KLHL32: variants seen among roughly 807,000 people sequenced by gnomAD.
KLHL32 encodes kelch like family member 32.
KLHL32 carries 35 observed loss-of-function variants against 64.8 expected under a neutral mutation model. The ratio of observed to expected loss-of-function variants is 0.54; its 90% CI spans 0.41 to 0.72. The LOEUF (loss-of-function observed/expected upper bound fraction) is 0.72. Among genes scored for constraint, KLHL32 ranks in the 30% least tolerant of loss-of-function variants. The pLI is 0.00. For missense variants in KLHL32, 589 were observed against 768.5 expected (o/e 0.77, Z 2.76); for synonymous variants, 259 against 281.0 (o/e 0.92, Z 0.78).
intron 3 of KLHL32, among the ~76,000 whole-genome samples, chr6:97,030,411 A>G (rs955480620): frequency 2.0e-5 from 3 of 152,234 alleles, no homozygotes; most frequent in Admixed American, 6.5e-5. Flanking sequence ...GGAATAACAC[A>G]CCATAAATCC....
rs567157518 is a variant in KLHL32 at position 96,941,510 on chromosome 6, G to A, written c.-66+16484G>A. Among the ~76,000 whole-genome samples the A allele has an allele frequency of 3.3e-5, 5 of 152,188 alleles. No homozygotes were observed. In the East Asian group the frequency reaches 9.7e-4, roughly 29 times the overall value. On this transcript the variant is annotated intron_variant, in intron 1 of 10. Transcript: ENST00000369261. ...AGTTTTCTGAGTGACTTACATTTTA[G>A]TCAAATGAAATGATAGCTCTGAGAA... is the stretch of plus-strand genomic sequence containing the variant.
intron 3 of KLHL32, among the ~76,000 whole-genome samples, chr6:96,984,004 C>T (rs573326295): frequency 2.0e-5 from 3 of 152,240 alleles, no homozygotes; most frequent in East Asian, 3.9e-4. Flanking sequence ...CCTGCTTTCT[C>T]TTGTGGGCAT....
chr6:96,952,467 C>T (rs1772741360), intron 1 of KLHL32, among the ~76,000 whole-genome samples: 1 of 152,174 alleles, frequency 6.6e-6, no homozygotes, highest in African/African-American at 2.4e-5. Context: ...TTGCTTCTAG[C>T]CTCACAGGCT....
chr6:96,932,205 A>ATT (rs71012578), intron 1 of KLHL32, among the ~76,000 whole-genome samples: 16,533 of 104,324 alleles, frequency 0.16, 1,216 homozygotes, highest in South Asian at 0.27. Flanking sequence ...TGACTGGGTT[A>ATT]TTTTTTTTTT....
chr6:96,982,561 T>G (rs1470892073), intron 3 of KLHL32, among the ~76,000 whole-genome samples: 1 of 152,160 alleles, frequency 6.6e-6, no homozygotes, highest in Non-Finnish European at 1.5e-5. Flanking sequence ...AGGTTAATAT[T>G]GACATGTGTG....
intron 3 of KLHL32, among the ~76,000 whole-genome samples, chr6:97,009,487 A>T (rs558068497): frequency 1.3e-5 from 2 of 152,282 alleles, no homozygotes; most frequent in East Asian, 3.9e-4. Flanking sequence ...TTTAATTTGC[A>T]ATAGAGCACT....
intron 6 of KLHL32, among the ~76,000 whole-genome samples, chr6:97,102,943 A>G (rs1795921070): frequency 6.6e-6 from 1 of 152,172 alleles, no homozygotes; most frequent in Non-Finnish European, 1.5e-5. Context: ...CCAGATATTA[A>G]GCCTAGTACT....
chr6:96,909,219 C>G, the KLHL32 span, among the ~76,000 whole-genome samples: 1 of 152,064 alleles, frequency 6.6e-6, no homozygotes, highest in Non-Finnish European at 1.5e-5. Context: ...TTCGGCATCC[C>G]TATCAGAACC....
intron 5 of KLHL32, among the ~76,000 whole-genome samples, chr6:97,078,059 C>T (rs953256770): frequency 1.3e-5 from 2 of 152,132 alleles, no homozygotes; most frequent in African/African-American, 4.8e-5. Flanking sequence ...CTACTTGCTA[C>T]TTGGTCCTTA....
chr6:97,056,956 A>C (rs1461907564), intron 4 of KLHL32, among the ~76,000 whole-genome samples: 1 of 152,170 alleles, frequency 6.6e-6, no homozygotes, highest in African/African-American at 2.4e-5. Context: ...CAAATATGTA[A>C]ATGAATAAGC....
chr6:97,134,107 G>GTGA (rs1224665954), intron 10 of KLHL32, among the ~76,000 whole-genome samples: 1 of 152,030 alleles, frequency 6.6e-6, no homozygotes, highest in Non-Finnish European at 1.5e-5. Flanking sequence ...TCCCAGAACT[G>GTGA]TGATAATAAA....
At chr6:97,031,470 G>A (rs914736325) in intron 3 of KLHL32, among the ~76,000 whole-genome samples, 4 of 151,810 alleles carry the variant, frequency 2.6e-5, no homozygotes, top group African/African-American at 9.7e-5. Context: ...TGAGTAGCTG[G>A]GACTGCAGGT....
intron 4 of KLHL32, among the ~76,000 whole-genome samples, chr6:97,060,592 T>C (rs1225552034): frequency 6.6e-6 from 1 of 152,156 alleles, no homozygotes; most frequent in Admixed American, 6.5e-5. Flanking sequence ...ATATTCTGCC[T>C]GGAGACCAGG....
intron 3 of KLHL32, among the ~76,000 whole-genome samples, chr6:97,003,178 A>G (rs954228280): frequency 2.6e-5 from 4 of 152,172 alleles, no homozygotes; most frequent in South Asian, 2.1e-4. Context: ...TGACTTTTTA[A>G]TAATAGCCAT....
At chr6:96,976,464 T>G (rs1775704560) in intron 3 of KLHL32, among the ~76,000 whole-genome samples, 1 of 152,138 alleles carries the variant, frequency 6.6e-6, no homozygotes. Context: ...GTGCTTCATG[T>G]GGGGGTGCAG....
intron 1 of KLHL32, among the ~76,000 whole-genome samples, chr6:96,958,321 G>A (rs1299117042): frequency 6.6e-6 from 1 of 152,152 alleles, no homozygotes; most frequent in Non-Finnish European, 1.5e-5. Context: ...GGATCATATA[G>A]GAGAGTAATT....
chr6:97,088,204 TG>T (rs1461075348), intron 6 of KLHL32, among the ~76,000 whole-genome samples: 2 of 152,202 alleles, frequency 1.3e-5, no homozygotes, highest in Admixed American at 6.5e-5. Context: ...TAAAATATAT[TG>T]TTTTTTTAAA....
At chr6:96,926,116 G>C (rs1769129106) in intron 1 of KLHL32, among the ~76,000 whole-genome samples, 1 of 152,166 alleles carries the variant, frequency 6.6e-6, no homozygotes, top group Non-Finnish European at 1.5e-5. Context: ...CAGCAATCCA[G>C]TAATTACACT....
At chr6:97,058,988 T>C (rs1383683207) in intron 4 of KLHL32, among the ~76,000 whole-genome samples, 1 of 152,240 alleles carries the variant, frequency 6.6e-6, no homozygotes, top group Non-Finnish European at 1.5e-5. Flanking sequence ...ATTTTCACTG[T>C]ACAAATAAGA....
Sources: allele counts gnomAD v4.1 joint callset (sites outside exome capture counted in the v4.1 genomes callset), GRCh38; gene constraint gnomAD v4.1.1; transcripts MANE v1.5; gene names NCBI Gene and HGNC (gene_info 2026-07-23, HGNC 2026-07-21).